SLC7A2: variants seen among roughly 807,000 people sequenced by gnomAD.
SLC7A2 encodes solute carrier family 7 member 2.
A neutral mutation model predicts 58.9 loss-of-function variants in SLC7A2; 48 were observed. That is an observed-to-expected ratio of 0.82 (90% CI 0.65 to 1.04). The LOEUF (loss-of-function observed/expected upper bound fraction) is 1.04, where lower values mean the gene tolerates loss of function less well. SLC7A2 is among the 50% of genes least tolerant of loss of function. The pLI is 0.00. For synonymous variants in SLC7A2, 363 were observed against 314.5 expected (o/e 1.15, Z -1.63); for missense variants, 1,029 against 818.8 (o/e 1.26, Z -3.13).
chr8:17,546,880 T>C (rs1489903416), intron 4 of SLC7A2, among the ~76,000 whole-genome samples: 1 of 152,090 alleles, frequency 6.6e-6, no homozygotes, highest in Non-Finnish European at 1.5e-5. Flanking sequence ...TTATACCAGA[T>C]GGGTTAAAGA....
intron 2 of SLC7A2, among the ~76,000 whole-genome samples, chr8:17,531,131 GAT>G (rs748805269): frequency 6.6e-6 from 1 of 152,176 alleles, no homozygotes; most frequent in Non-Finnish European, 1.5e-5. Flanking sequence ...CAGAGCCTAA[GAT>G]AGGATATCTC....
chr8:17,532,207 G>A (rs959531911), intron 2 of SLC7A2, among the ~76,000 whole-genome samples: 1 of 119,820 alleles, frequency 8.3e-6, no homozygotes, highest in Non-Finnish European at 1.6e-5. Context: ...TCCAGCCTGG[G>A]CAACAGGGCA....
At chr8:17,556,489 A>G (rs940213662) in intron 8 of SLC7A2, among the ~76,000 whole-genome samples, 1 of 151,932 alleles carries the variant, frequency 6.6e-6, no homozygotes, top group African/African-American at 2.4e-5. Context: ...GCTTGTTCTT[A>G]ACTTGGATCA....
chr8:17,531,608 GT>G (rs1436066436), intron 2 of SLC7A2, among the ~76,000 whole-genome samples: 1 of 151,748 alleles, frequency 6.6e-6, no homozygotes, highest in East Asian at 1.9e-4. Flanking sequence ...TTATGAGATG[GT>G]TTGAATTTTA....
At position 17,548,566 on chromosome 8, in the gene SLC7A2, A is replaced by G. The variant is rs546062991; in HGVS notation, c.533-112A>G. On this transcript the variant is annotated intron_variant, in intron 4 of 12. Transcript: ENST00000494857. The stretch of plus-strand genomic sequence containing the variant: ...ACTAGCAGTAGAGGTAGATAGATGG[A>G]AATTAAAGACATGAATGCTGGTGAA... 5.3e-5 allele frequency: 40 copies of G among 751,552 alleles called. No homozygotes were observed. In the African/African-American group the frequency reaches 7.0e-4, roughly 13 times the overall value. 46.6% of individuals were successfully genotyped at this position (751,552 alleles called of 1,614,324 possible). A position where few individuals can be genotyped will look rare whatever the true frequency, so the allele number is the denominator to read the frequency against.
In SLC7A2 at chr8:17,526,812, G is replaced by A. The variant is rs191129309; in HGVS notation, c.-22-16506G>A. On this transcript the variant is annotated intron_variant, in intron 2 of 12. Coordinates refer to ENST00000494857, the MANE Select transcript of SLC7A2 (RefSeq NM_001370338.1). ...TCACTAAGAACACGTTATGCCTAAC[G>A]AACTGCATGCCCTCTTTCTCCACGA... Among the ~76,000 whole-genome samples the A allele has an allele frequency of 1.1e-3, 166 of 152,274 alleles. 1 individual carries two copies. The highest frequency in any genetic ancestry group is 3.9e-3 in the African/African-American group (160 of 41,544).
intron 2 of SLC7A2, among the ~76,000 whole-genome samples, chr8:17,523,168 G>GA: frequency 6.6e-6 from 1 of 151,936 alleles, no homozygotes; most frequent in East Asian, 1.9e-4. Flanking sequence ...AAAGGAGGGA[G>GA]AAAAAAGGAA....
intron 1 of SLC7A2, among the ~76,000 whole-genome samples, chr8:17,498,345 C>G (rs1163802104): frequency 1.3e-5 from 2 of 152,160 alleles, no homozygotes; most frequent in Non-Finnish European, 2.9e-5. Flanking sequence ...CTTGCCTGAG[C>G]TAGTCTTTAA....
Position 17,543,306 on chromosome 8 carries a change from C to T in SLC7A2, c.-22-12C>T. The T allele has an allele frequency of 1.9e-6, 3 of 1,579,432 alleles. No individual in the cohort carries two copies. The highest frequency in any genetic ancestry group is 2.6e-6 in the Non-Finnish European group (3 of 1,163,942). On this transcript the variant is annotated splice_polypyrimidine_tract_variant and intron_variant, in intron 2 of 12. Transcript: ENST00000494857. ...TTCCAGATCAGCTTCTAACCTCCTC[C>T]CTTCTGCTCAGGTCGCCTTCGTCAG... is the stretch of plus-strand genomic sequence containing the variant.
intron 2 of SLC7A2, among the ~76,000 whole-genome samples, chr8:17,519,441 G>A (rs1006202757): frequency 2.0e-4 from 31 of 152,162 alleles, no homozygotes; most frequent in Non-Finnish European, 3.5e-4. Context: ...TTAAGCAACA[G>A]TGATGAGAAT....
rs182414524 is a variant in SLC7A2, at chr8:17,546,133, G to A, written c.532+1527G>A. 1.9e-3 allele frequency among the ~76,000 whole-genome samples: 287 copies of A among 152,190 alleles called. 1 individual carries two copies. The highest frequency in any genetic ancestry group is 5.8e-3 in the African/African-American group (240 of 41,516). ...TAGCTTAGAAATAGAAACCAGTCTA[G>A]CGTTAAATTATTTCCATCATATTTT... On this transcript the variant is annotated intron_variant, in intron 4 of 12. Coordinates refer to ENST00000494857, the MANE Select transcript of SLC7A2 (RefSeq NM_001370338.1).
chr8:17,529,718 A>G (rs1801364651), intron 2 of SLC7A2, among the ~76,000 whole-genome samples: 1 of 151,776 alleles, frequency 6.6e-6, no homozygotes, highest in African/African-American at 2.4e-5. Context: ...TATTTTTAGT[A>G]ACGATGGGGT....
chr8:17,561,797 A>G, intron 10 of SLC7A2, 147 bp from the exon 11 acceptor site: 2 of 707,156 alleles, frequency 2.8e-6, no homozygotes. Flanking sequence ...TCAATGAAAA[A>G]GAAGAAAGGG....
At chr8:17,527,241 C>T (rs1485182376) in intron 2 of SLC7A2, among the ~76,000 whole-genome samples, 1 of 151,972 alleles carries the variant, frequency 6.6e-6, no homozygotes, top group Non-Finnish European at 1.5e-5. Context: ...AAAATGGAAC[C>T]AAGAGGACCA....
intron 1 of SLC7A2, 84 bp downstream of exon 1, chr8:17,497,321 G>C (rs1585167892): frequency 2.0e-5 from 3 of 152,056 alleles, no homozygotes; most frequent in Admixed American, 2.0e-4. Context: ...AAGGAGCGGG[G>C]CGAGGGCGCC....
chr8:17,552,755 C>G (rs1802512710), intron 7 of SLC7A2, among the ~76,000 whole-genome samples: 1 of 152,146 alleles, frequency 6.6e-6, no homozygotes, highest in Non-Finnish European at 1.5e-5. Context: ...AACTCATTTC[C>G]CAGGTTTCCT....
At chr8:17,559,651 A>G (rs1259277979) in intron 9 of SLC7A2, among the ~76,000 whole-genome samples, 1 of 152,228 alleles carries the variant, frequency 6.6e-6, no homozygotes, top group Admixed American at 6.5e-5. Context: ...GCATGAGGGT[A>G]ACCACTCCAT....
intron 1 of SLC7A2, among the ~76,000 whole-genome samples, chr8:17,500,823 C>T (rs936377980): frequency 1.3e-5 from 2 of 148,888 alleles, no homozygotes; most frequent in Admixed American, 6.6e-5. Flanking sequence ...CACACACACA[C>T]ACACACACAC....
At chr8:17,497,849 G>T (rs1400516932) in intron 1 of SLC7A2, among the ~76,000 whole-genome samples, 1 of 152,074 alleles carries the variant, frequency 6.6e-6, no homozygotes, top group East Asian at 1.9e-4. Context: ...CGTTTGAGAT[G>T]GGCTGTATTT....
Sources: gnomAD v4.1 joint callset for allele counts (sites outside exome capture counted in the v4.1 genomes callset) on GRCh38, gnomAD v4.1.1 for gene constraint, MANE v1.5 for transcripts, NCBI Gene and HGNC (gene_info 2026-07-23, HGNC 2026-07-21) for gene names.